ANKH: variants seen among roughly 807,000 people sequenced by gnomAD.
ANKH encodes the protein mineralization regulator ANKH.
A neutral mutation model predicts 49.0 loss-of-function variants in ANKH; 15 were observed. That is an observed-to-expected ratio of 0.31 (90% confidence interval 0.20 to 0.47). The LOEUF (loss-of-function observed/expected upper bound fraction) is 0.47. ANKH is among the 20% of genes least tolerant of loss of function. ANKH has a pLI of 1.00. For synonymous variants in ANKH, 273 were observed against 260.0 expected (o/e 1.05, Z -0.48); for missense variants, 429 against 652.0 (o/e 0.66, Z 3.72).
At chr5:14,848,598 C>T (rs901447896) in intron 1 of ANKH, among the ~76,000 whole-genome samples, 2 of 152,218 alleles carry the variant, frequency 1.3e-5, no homozygotes, top group Non-Finnish European at 2.9e-5. Context: ...GTGTCCACTG[C>T]GCCTCTGATC....
In ANKH at chr5:14,705,784, T is replaced by C. The variant is rs1208316353; in HGVS notation, c.*5413A>G. Reference sequence around the variant, plus strand: ...GGGTGCTGGGTGATTGGTGTTGATGTGTACCCTGTACTCCTTTGTTACGCA... The same window carrying C: ...GGGTGCTGGGTGATTGGTGTTGATGCGTACCCTGTACTCCTTTGTTACGCA... On this transcript the variant is annotated 3_prime_UTR_variant, in exon 12 of 12. Coordinates refer to ENST00000284268, the MANE Select transcript of ANKH (RefSeq NM_054027.6). 1 of 152,770 alleles carries C rather than the reference T, an allele frequency of 6.5e-6. No homozygotes were observed. Among genetic ancestry groups the C allele is most frequent in the East Asian group, 1.9e-4 (1 of 5,192 alleles). 9.5% of individuals were successfully genotyped at this position (152,770 alleles called of 1,614,324 possible). A position where few individuals can be genotyped will look rare whatever the true frequency, so the allele number is the denominator to read the frequency against.
intron 1 of ANKH, among the ~76,000 whole-genome samples, chr5:14,866,288 G>C (rs554162260): frequency 2.0e-5 from 3 of 152,210 alleles, no homozygotes; most frequent in African/African-American, 4.8e-5. Context: ...TTACAGGCGT[G>C]AGCCACCGCG....
At chr5:14,736,139 G>C (rs1738175557) in intron 8 of ANKH, among the ~76,000 whole-genome samples, 1 of 150,914 alleles carries the variant, frequency 6.6e-6, no homozygotes, top group South Asian at 2.1e-4. Flanking sequence ...GTGCCAGCGT[G>C]GCCAGGCTTC....
At chr5:14,729,016 G>A (rs1023920057) in intron 8 of ANKH, among the ~76,000 whole-genome samples, 2 of 152,116 alleles carry the variant, frequency 1.3e-5, no homozygotes, top group African/African-American at 4.8e-5. Flanking sequence ...GACCTGCAAG[G>A]TGCGTCCAAA....
In ANKH at chr5:14,711,099, CA is replaced by C. The variant is rs771729890; in HGVS notation, c.*97del. The C allele has an allele frequency of 5.0e-5, 57 of 1,135,196 alleles. No homozygotes were observed. The highest frequency in any genetic ancestry group is 6.5e-5 in the Non-Finnish European group (49 of 749,178). The allele number at this position is 1,135,196 out of a possible 1,614,324, so 70.3% of individuals were successfully genotyped here. On this transcript the variant is annotated 3_prime_UTR_variant, in exon 12 of 12. Coordinates refer to ENST00000284268, the MANE Select transcript of ANKH (RefSeq NM_054027.6). ...GGCCTCTTTCATTACCAAAACAAAA[CA>C]AAAAAAAGGGAACAAAATACGATGG...
At position 14,773,305 on chromosome 5, in the gene ANKH, T is replaced by C. The variant is rs978613151; in HGVS notation, c.97-4114A>G. Among the ~76,000 whole-genome samples the C allele has an allele frequency of 1.4e-4, 21 of 147,574 alleles. No individual in the cohort carries two copies. The Admixed American group carries it at 1.4e-3, about 10-fold the overall frequency. On this transcript the variant is annotated intron_variant, in intron 1 of 11. Coordinates refer to ENST00000284268, the MANE Select transcript of ANKH (RefSeq NM_054027.6). Reference sequence around the variant, plus strand: ...ATTTAAAAGCATCTCATAGGGCACCTAAATAATGGAGGACTAGACATTTTA... The same window carrying C: ...ATTTAAAAGCATCTCATAGGGCACCCAAATAATGGAGGACTAGACATTTTA...
At chr5:14,819,731 T>A (rs1382777244) in intron 1 of ANKH, among the ~76,000 whole-genome samples, 12 of 152,050 alleles carry the variant, frequency 7.9e-5, no homozygotes, top group Admixed American at 5.9e-4. Context: ...CCAGGCATGG[T>A]AGTGTGCGTC....
At chr5:14,793,748 C>A (rs945864823) in intron 1 of ANKH, among the ~76,000 whole-genome samples, 1 of 152,286 alleles carries the variant, frequency 6.6e-6, no homozygotes, top group Admixed American at 6.5e-5. Flanking sequence ...AATGGCCCAG[C>A]CAGCTGTGTG....
At chr5:14,717,948 TG>T (rs1195481740) in intron 8 of ANKH, among the ~76,000 whole-genome samples, 1 of 152,166 alleles carries the variant, frequency 6.6e-6, no homozygotes, top group African/African-American at 2.4e-5. Flanking sequence ...AATCTGTACA[TG>T]GAAAACGGGG....
intron 7 of ANKH, among the ~76,000 whole-genome samples, chr5:14,742,809 G>C (rs1243848055): frequency 6.6e-6 from 1 of 152,230 alleles, no homozygotes; most frequent in Non-Finnish European, 1.5e-5. Context: ...ATGTCACCCA[G>C]CTTGACAGTC....
At chr5:14,733,647 T>C (rs1375154222) in intron 8 of ANKH, among the ~76,000 whole-genome samples, 7 of 152,222 alleles carry the variant, frequency 4.6e-5, no homozygotes, top group Non-Finnish European at 7.3e-5. Flanking sequence ...ATTACCTCTA[T>C]TTGGTAATTT....
intron 8 of ANKH, among the ~76,000 whole-genome samples, chr5:14,729,260 GCA>G (rs1331594356): frequency 6.6e-6 from 1 of 151,592 alleles, no homozygotes; most frequent in African/African-American, 2.4e-5. Context: ...TCCATGTTGG[GCA>G]GGCTGGTCTC....
chr5:14,798,928 C>T (rs142780285), intron 1 of ANKH, among the ~76,000 whole-genome samples: 91 of 152,274 alleles, frequency 6.0e-4, no homozygotes, highest in African/African-American at 1.9e-3. Flanking sequence ...AACAGCATTG[C>T]TTAGTGAGGA....
intron 1 of ANKH, among the ~76,000 whole-genome samples, chr5:14,824,358 C>A (rs764049506): frequency 2.6e-5 from 4 of 152,088 alleles, no homozygotes; most frequent in Non-Finnish European, 5.9e-5. Context: ...TAAAGGGCAA[C>A]AACGGCTGGG....
intron 1 of ANKH, among the ~76,000 whole-genome samples, chr5:14,799,773 G>C (rs1318297476): frequency 6.6e-6 from 1 of 152,202 alleles, no homozygotes; most frequent in African/African-American, 2.4e-5. Flanking sequence ...CTCTGATGGA[G>C]AGGTACGAGG....
chr5:14,802,341 A>T (rs1169972728), intron 1 of ANKH, among the ~76,000 whole-genome samples: 2 of 151,364 alleles, frequency 1.3e-5, no homozygotes, highest in Non-Finnish European at 2.9e-5. Flanking sequence ...TGTCCAGTTG[A>T]TTCTGTCTCC....
chr5:14,724,594 G>A, intron 8 of ANKH: 1 of 985,342 alleles, frequency 1.0e-6, no homozygotes, highest in African/African-American at 1.7e-5. Flanking sequence ...GGTTTTCTGA[G>A]CTAAGAACCA....
At chr5:14,798,483 C>T (rs546656388) in intron 1 of ANKH, 50 of 1,008,460 alleles carry the variant, frequency 5.0e-5, no homozygotes, top group African/African-American at 4.0e-4. Flanking sequence ...TCTGCGCACG[C>T]GGTCTCTATT....
intron 1 of ANKH, among the ~76,000 whole-genome samples, chr5:14,777,004 G>A (rs1322165784): frequency 2.6e-5 from 4 of 152,164 alleles, no homozygotes; most frequent in South Asian, 2.1e-4. Flanking sequence ...ATCTGGGGTC[G>A]GGTGCAGTGG....
Sources: gnomAD v4.1 joint callset for allele counts (sites outside exome capture counted in the v4.1 genomes callset) on GRCh38, gnomAD v4.1.1 for gene constraint, MANE v1.5 for transcripts, NCBI Gene and HGNC (gene_info 2026-07-23, HGNC 2026-07-21) for gene names.